Variants in ARHGAP35 observed in about 807,000 individuals in gnomAD.
The protein encoded by ARHGAP35 is Rho GTPase activating protein 35, also known as rho GTPase-activating protein 35.
In ARHGAP35, 15 loss-of-function variants were observed where a neutral mutation model predicts 111.1. That is an observed-to-expected ratio of 0.13 (90% CI 0.09 to 0.21). The LOEUF is 0.21. Ranked by LOEUF, ARHGAP35 falls within the 10% of genes least tolerant of loss-of-function variation. The probability of loss-of-function intolerance (pLI) is 1.00; values close to 1 mark genes in which losing one functional copy is unlikely to be tolerated. For synonymous variants in ARHGAP35, 643 were observed against 710.3 expected, an observed-to-expected ratio of 0.91 and a Z score of 1.51; for missense variants, 1,262 against 1,873.0, an observed-to-expected ratio of 0.67 and a Z score of 6.02.
chr19:46,952,632 CCA>C (rs1439319827), intron 3 of ARHGAP35, among the ~76,000 whole-genome samples: 5 of 152,164 alleles, frequency 3.3e-5, no homozygotes, highest in Non-Finnish European at 7.3e-5. Flanking sequence ...ATAATAATGC[CCA>C]CCTTATTAGG....
intron 1 of ARHGAP35, among the ~76,000 whole-genome samples, chr19:46,909,991 T>C (rs1173607186): frequency 2.0e-5 from 3 of 152,142 alleles, no homozygotes; most frequent in African/African-American, 4.8e-5. Flanking sequence ...GGTAGAAATA[T>C]AATTGCTATA....
At chr19:46,975,360 G>T (rs2056574135) in intron 3 of ARHGAP35, among the ~76,000 whole-genome samples, 4 of 152,104 alleles carry the variant, frequency 2.6e-5, no homozygotes, top group Admixed American at 2.6e-4. Context: ...CCCTTCTGAG[G>T]GTGCGCAGGA....
intron 3 of ARHGAP35, among the ~76,000 whole-genome samples, chr19:46,939,413 A>ATTTAT (rs2056331753): frequency 6.9e-6 from 1 of 144,520 alleles, no homozygotes; most frequent in Non-Finnish European, 1.5e-5. Flanking sequence ...TTATTTATTT[A>ATTTAT]TTATTTAATT....
In ARHGAP35 at chr19:46,919,269, C is replaced by A; in HGVS notation, c.594C>A (p.Val198=). The A allele has an allele frequency of 6.2e-7, 1 of 1,613,864 alleles. No individual in the cohort carries two copies. The highest frequency in any genetic ancestry group is 1.1e-5 in the South Asian group (1 of 91,042). The part of the protein sequence containing the change: ...LAKTKKPIVV[V]LTKCDEGVER... ...AAACAAAAAAGCCCATAGTGGTGGTCCTGACTAAGTGTGACGAAGGTGTTG... is the reference window on the plus strand; with the variant it reads ...AAACAAAAAAGCCCATAGTGGTGGTACTGACTAAGTGTGACGAAGGTGTTG... The change falls in exon 2 of 7, where the codon GTC becomes GTA. Residue 198 remains valine (V), a synonymous_variant. Coordinates refer to ENST00000672722, the MANE Select transcript of ARHGAP35 (RefSeq NM_004491.5). The surrounding 1 kb of genome is among the most constrained non-coding windows in gnomAD (Gnocchi z 6.2).
rs1013525577 is a variant in ARHGAP35 at position 47,001,304 on chromosome 19, T to A, written c.*616T>A. On this transcript the variant is annotated 3_prime_UTR_variant, in exon 7 of 7. Coordinates refer to ENST00000672722, the MANE Select transcript of ARHGAP35 (RefSeq NM_004491.5). The surrounding 1 kb of genome is among the most constrained non-coding windows in gnomAD (Gnocchi z 5.4). ...TGCCTGGACCCAGAGAGTGTGGGACTCCCCGCTTCATCCCCACCGTCCCAC... is the reference window on the plus strand; with the variant it reads ...TGCCTGGACCCAGAGAGTGTGGGACACCCCGCTTCATCCCCACCGTCCCAC... 15 of 1,290,062 alleles carry A rather than the reference T, an allele frequency of 1.2e-5. No homozygotes were observed. In the African/African-American group the frequency reaches 1.8e-4, roughly 16 times the overall value. 79.9% of individuals were successfully genotyped at this position (1,290,062 alleles called of 1,614,324 possible).
chr19:46,911,415 C>T (rs1445084282), intron 1 of ARHGAP35, among the ~76,000 whole-genome samples: 8 of 152,188 alleles, frequency 5.3e-5, no homozygotes, highest in Non-Finnish European at 1.2e-4. Flanking sequence ...TGTTTCATCA[C>T]ATTTTCTTTG....
At position 47,000,615 on chromosome 19, in the gene ARHGAP35, C is replaced by T. The variant is rs377226440; in HGVS notation, c.4427C>T (p.Ser1476Leu). ...ACAAGTCAGCCGTCGCCCCCACAGT[C>T]GCCTCCACCCACCCCCCAGTCCCCA... is the stretch of plus-strand genomic sequence containing the variant. Reference protein sequence around the residue: ...PVTSQPSPPQSPPPTPQSPMQ... With the variant: ...PVTSQPSPPQLPPPTPQSPMQ... Residue 1476 changes from serine (S) to leucine (L), a missense_variant, in exon 7 of 7, where the codon TCG (serine) becomes TTG (leucine). Ser to Leu is a moderately radical substitution (Grantham distance 145). Coordinates refer to ENST00000672722, the MANE Select transcript of ARHGAP35 (RefSeq NM_004491.5). The surrounding 1 kb of genome is among the most constrained non-coding windows in gnomAD (Gnocchi z 6.9). The T allele has an allele frequency of 4.3e-6, 7 of 1,611,968 alleles. No homozygotes were observed. Among genetic ancestry groups the T allele is most frequent in the Non-Finnish European group, 5.1e-6 (6 of 1,179,062 alleles).
intron 2 of ARHGAP35, among the ~76,000 whole-genome samples, chr19:46,929,696 T>G (rs547818198): frequency 6.7e-6 from 1 of 149,600 alleles, no homozygotes; most frequent in Non-Finnish European, 1.5e-5. Context: ...GGCAGATCAC[T>G]TGAGGTCGGG....
chr19:46,951,185 T>G lies in ARHGAP35; in HGVS notation c.3826+13777T>G, dbSNP rs140035215. Among the ~76,000 whole-genome samples the G allele has an allele frequency of 5.9e-3, 899 of 152,272 alleles. 6 individuals carry two copies. The highest frequency in any genetic ancestry group is 0.02 in the African/African-American group (837 of 41,552). ...CATTTGCCTGGGTAAATGAGTAGAG[T>G]GCTTTCTGCGTGGCAGATTTAAATT... On this transcript the variant is annotated intron_variant, in intron 3 of 6. Transcript: ENST00000672722.
chr19:46,922,190 G>A lies in ARHGAP35; in HGVS notation c.3515G>A (p.Arg1172Gln), dbSNP rs565530965. 2 of 1,613,996 alleles carry A rather than the reference G, an allele frequency of 1.2e-6. No individual in the cohort carries two copies. Among genetic ancestry groups the A allele is most frequent in the South Asian group, 1.1e-5 (1 of 91,084 alleles). ...CGGCTGGGGCGGTTTGCTAGTTACC[G>A]GACCAGCTTCAGCGTGGGGAGTGAT... ...CTRLGRFASYRTSFSVGSDDE... is the reference protein window; with the variant it reads ...CTRLGRFASYQTSFSVGSDDE... Residue 1172 changes from arginine (R) to glutamine (Q), a missense_variant, in exon 2 of 7, where the codon CGG (arginine) becomes CAG (glutamine). Physicochemically the swap from Arg to Gln is conservative, Grantham distance 43. Around this residue, in one of 8 missense-constraint regions of ARHGAP35, gnomAD observed 579 missense variants for 716.9 expected, o/e 0.81. Transcript: ENST00000672722. The surrounding 1 kb of genome is among the most constrained non-coding windows in gnomAD (Gnocchi z 4.0).
At chr19:46,893,415 C>T (rs1301035722) in intron 1 of ARHGAP35, among the ~76,000 whole-genome samples, 2 of 152,038 alleles carry the variant, frequency 1.3e-5, no homozygotes, top group African/African-American at 2.4e-5. Context: ...TAGTAGGTTG[C>T]CACCAGACAA....
intron 1 of ARHGAP35, among the ~76,000 whole-genome samples, chr19:46,903,334 T>C (rs1384755490): frequency 1.3e-5 from 2 of 152,134 alleles, no homozygotes; most frequent in African/African-American, 4.8e-5. Flanking sequence ...GTTTTTATAA[T>C]GGTGATGTAC....
At chr19:46,865,301 TAAA>T (rs1280311312) in intron 1 of ARHGAP35, among the ~76,000 whole-genome samples, 1 of 152,204 alleles carries the variant, frequency 6.6e-6, no homozygotes, top group Non-Finnish European at 1.5e-5. Context: ...TGTAAAGACT[TAAA>T]AACTAATCTG....
At chr19:46,974,022 G>A (rs1033096537) in intron 3 of ARHGAP35, among the ~76,000 whole-genome samples, 9 of 151,890 alleles carry the variant, frequency 5.9e-5, no homozygotes, top group African/African-American at 9.7e-5. Context: ...ACAGAATCTC[G>A]CTCTGTTGCC....
At chr19:46,910,455 CG>C (rs202105224) in intron 1 of ARHGAP35, among the ~76,000 whole-genome samples, 13 of 150,722 alleles carry the variant, frequency 8.6e-5, no homozygotes, top group Non-Finnish European at 1.0e-4. Flanking sequence ...CCTCACCCAG[CG>C]AATTTTTTTT....
intron 5 of ARHGAP35, among the ~76,000 whole-genome samples, chr19:46,990,470 G>C (rs2056674020): frequency 6.6e-6 from 1 of 152,208 alleles, no homozygotes; most frequent in Non-Finnish European, 1.5e-5. Flanking sequence ...CAGCCTTCCT[G>C]CTTTGTGCCT....
At chr19:46,964,096 G>C (rs1306451965) in intron 3 of ARHGAP35, among the ~76,000 whole-genome samples, 1 of 151,962 alleles carries the variant, frequency 6.6e-6, no homozygotes, top group African/African-American at 2.4e-5. Context: ...TTGAACTCCT[G>C]ACCTCAGGTG....
chr19:46,928,630 G>A (rs2056252736), intron 2 of ARHGAP35, among the ~76,000 whole-genome samples: 1 of 152,020 alleles, frequency 6.6e-6, no homozygotes, highest in Non-Finnish European at 1.5e-5. Flanking sequence ...TGCCTTAATA[G>A]AACAAAAAGC....
At chr19:46,888,306 A>G (rs1354921996) in intron 1 of ARHGAP35, among the ~76,000 whole-genome samples, 13 of 69,846 alleles carry the variant, frequency 1.9e-4, no homozygotes, top group African/African-American at 6.8e-4. Context: ...ATATATATAT[A>G]TATATATATA....
Sources: allele counts gnomAD v4.1 joint callset (sites outside exome capture counted in the v4.1 genomes callset), GRCh38; gene constraint gnomAD v4.1.1; regional missense constraint gnomAD v4.1.1; non-coding constraint Gnocchi (gnomAD v3.1); transcripts MANE v1.5; gene names NCBI Gene and HGNC (gene_info 2026-07-23, HGNC 2026-07-21).